The following DNAH5 variants were observed in gnomAD, a reference collection of about 807,000 sequenced individuals.
DNAH5 encodes axonemal beta dynein heavy chain 5.
Under a neutral mutation model 518.2 loss-of-function variants are expected in DNAH5, and 372 were observed. The observed-to-expected ratio is 0.72, with a 90% CI of 0.66 to 0.78. The LOEUF is 0.78. Ranked by LOEUF, DNAH5 falls within the 30% of genes least tolerant of loss-of-function variation. The pLI, the probability that DNAH5 is intolerant of heterozygous loss-of-function variation, is 0.00. For missense variants in DNAH5, 5,523 were observed against 5,687.0 expected, an observed-to-expected ratio of 0.97 and a Z score of 0.93; for synonymous variants, 2,039 against 2,025.9, an observed-to-expected ratio of 1.01 and a Z score of -0.17.
At chr5:13,835,533 G>T (rs946102968) in intron 35 of DNAH5, among the ~76,000 whole-genome samples, 1 of 152,122 alleles carries the variant, frequency 6.6e-6, no homozygotes, top group Non-Finnish European at 1.5e-5. Context: ...CATCATGGCT[G>T]CCTCCAGATA....
At chr5:13,943,655 T>A (rs1344015316) in intron 1 of DNAH5, among the ~76,000 whole-genome samples, 2 of 152,056 alleles carry the variant, frequency 1.3e-5, no homozygotes, top group Admixed American at 1.3e-4. Flanking sequence ...ACTTAAAAAA[T>A]TCAGAGGTAG....
chr5:13,764,417 T>A (rs969061269), intron 59 of DNAH5, among the ~76,000 whole-genome samples: 2 of 151,984 alleles, frequency 1.3e-5, no homozygotes, highest in African/African-American at 4.8e-5. Context: ...ATAAAAAAAA[T>A]TAACTGGACA....
chr5:13,705,890 G>C (rs984112900), intron 76 of DNAH5, among the ~76,000 whole-genome samples: 4 of 152,172 alleles, frequency 2.6e-5, no homozygotes, highest in African/African-American at 9.7e-5. Flanking sequence ...AGGAGCTCCT[G>C]GGGCCACCAG....
intron 47 of DNAH5, among the ~76,000 whole-genome samples, chr5:13,804,747 G>C (rs1373020834): frequency 6.6e-6 from 1 of 152,184 alleles, no homozygotes; most frequent in Non-Finnish European, 1.5e-5. Context: ...CAGATAATGG[G>C]AGCCTAAGGA....
At chr5:13,791,493 T>C (rs1323054353) in intron 50 of DNAH5, among the ~76,000 whole-genome samples, 2 of 152,172 alleles carry the variant, frequency 1.3e-5, no homozygotes, top group Non-Finnish European at 2.9e-5. Flanking sequence ...ACTTTACCAA[T>C]GTACGTAAAT....
In DNAH5 at chr5:13,886,026, G is replaced by C; in HGVS notation, c.2681C>G (p.Ser894Cys). Residue 894 changes from serine (S) to cysteine (C), a missense_variant, in exon 18 of 79, where the codon TCT becomes TGT. Physicochemically the swap from Ser to Cys is moderately radical, Grantham distance 112. Coordinates refer to ENST00000265104, the MANE Select transcript of DNAH5 (RefSeq NM_001369.3). ...GGATATTTTTTCACTTTCTTCTTCA[G>C]ATAAAACTTCCACATCCAGCAACAT... ...VNMLLDVEVL[S>C]EEESEKISNE... is the part of the protein sequence containing the mutation. 1 of 1,607,802 alleles carries C rather than the reference G, an allele frequency of 6.2e-7. No homozygotes were observed. Among genetic ancestry groups the C allele is most frequent in the Non-Finnish European group, 8.5e-7 (1 of 1,178,170 alleles).
rs748787177 is a variant in DNAH5, at chr5:13,735,153, T to C, written c.11739A>G (p.Glu3913=). ...IDIQRNRVKH[E]EFLTLIKGGA... is the part of the protein sequence containing the mutation. ...GACCTTTAATAAGAGTGAGAAACTC[T>C]TCATGCTTGACTCGGTTCCTCTGGA... The change falls in exon 68 of 79, where the codon GAA becomes GAG. Residue 3913 remains glutamate, a synonymous_variant. Transcript: ENST00000265104. 6 of 1,614,024 alleles carry C rather than the reference T, an allele frequency of 3.7e-6. No individual in the cohort carries two copies. The highest frequency in any genetic ancestry group is 2.2e-5 in the South Asian group (2 of 91,082).
At chr5:13,942,241 A>G (rs1047765515) in intron 1 of DNAH5, among the ~76,000 whole-genome samples, 1 of 150,240 alleles carries the variant, frequency 6.7e-6, no homozygotes, top group African/African-American at 2.5e-5. Context: ...CATGATATTT[A>G]TGGATAAAGT....
intron 64 of DNAH5, 26 bp from the exon 65 acceptor site, chr5:13,751,286 G>C: frequency 3.2e-6 from 5 of 1,569,648 alleles, no homozygotes; most frequent in Non-Finnish European, 4.3e-6. Flanking sequence ...AAATTTAAAA[G>C]TAATAAAATA....
chr5:13,894,541 C>T (rs1773665756), intron 16 of DNAH5, 109 bp downstream of exon 16: 2 of 1,201,112 alleles, frequency 1.7e-6, no homozygotes, highest in Non-Finnish European at 2.4e-6. Context: ...TTAAGAATAA[C>T]ACTCCCCATT....
rs115498110 is a variant in DNAH5, at chr5:13,818,798, A to C, written c.6842-1104T>G. 8.8e-3 allele frequency among the ~76,000 whole-genome samples: 1,348 copies of C among 152,358 alleles called. 20 individuals are homozygous for C. Among genetic ancestry groups the C allele is most frequent in the African/African-American group, 0.031 (1,285 of 41,570 alleles). Reference sequence around the variant, plus strand: ...ATATTAAAGACACTTGATGAGATATATGCTGAATCAGGGGACAAATAATAT... The same window carrying C: ...ATATTAAAGACACTTGATGAGATATCTGCTGAATCAGGGGACAAATAATAT... On this transcript the variant is annotated intron_variant, in intron 41 of 78. Transcript: ENST00000265104.
intron 42 of DNAH5, 101 bp from the exon 43 acceptor site, chr5:13,814,947 AT>A (rs1761261044): frequency 9.3e-7 from 1 of 1,072,514 alleles, no homozygotes; most frequent in African/African-American, 1.6e-5. Context: ...ATTAGATGTA[AT>A]TTTCATTAAT....
rs1668072651 is a variant in DNAH5, at chr5:13,690,714, G to A, written c.*1270C>T. Reference sequence around the variant, plus strand: ...ACTGACTATATTTTCTAGTCAGTAGGTTAGATGAAGAATTATTAATAACAT... The same window carrying A: ...ACTGACTATATTTTCTAGTCAGTAGATTAGATGAAGAATTATTAATAACAT... On this transcript the variant is annotated 3_prime_UTR_variant, in exon 79 of 79. Coordinates refer to ENST00000265104, the MANE Select transcript of DNAH5 (RefSeq NM_001369.3). 2 of 152,176 alleles carry A rather than the reference G, an allele frequency of 1.3e-5. No individual in the cohort carries two copies. Among genetic ancestry groups the A allele is most frequent in the Admixed American group, 1.3e-4 (2 of 15,280 alleles). 9.4% of individuals were successfully genotyped at this position (152,176 alleles called of 1,614,324 possible).
chr5:13,828,737 C>T (rs763865971), intron 38 of DNAH5, among the ~76,000 whole-genome samples: 1 of 152,152 alleles, frequency 6.6e-6, no homozygotes, highest in Non-Finnish European at 1.5e-5. Context: ...GAAATCGAAG[C>T]CCTCAGTCTT....
chr5:13,818,197 A>G (rs1761709011), intron 41 of DNAH5, among the ~76,000 whole-genome samples: 1 of 152,252 alleles, frequency 6.6e-6, no homozygotes, highest in Non-Finnish European at 1.5e-5. Flanking sequence ...CAAGAAATGT[A>G]TTCAAATCTT....
intron 32 of DNAH5, among the ~76,000 whole-genome samples, chr5:13,842,484 A>AAG (rs398072434): frequency 1.9e-5 from 1 of 51,564 alleles, no homozygotes; most frequent in African/African-American, 1.0e-4. Context: ...AGAAAGAAAG[A>AAG]GAAAGAAAAG....
chr5:13,906,869 A>C (rs79119822), intron 12 of DNAH5, among the ~76,000 whole-genome samples: 3,285 of 152,304 alleles, frequency 0.022, 124 homozygotes, highest in African/African-American at 0.075. Flanking sequence ...ACCTATTTTA[A>C]AGAGAAAAAG....
At chr5:13,859,318 T>C (rs923255543) in intron 30 of DNAH5, 134 bp downstream of exon 30, 10 of 934,092 alleles carry the variant, frequency 1.1e-5, no homozygotes, top group Middle Eastern at 4.7e-4. Context: ...AATAACAGCA[T>C]TAACAGTGAC....
chr5:13,849,383 G>A (rs1014622155), intron 31 of DNAH5, among the ~76,000 whole-genome samples: 1 of 152,206 alleles, frequency 6.6e-6, no homozygotes, highest in Non-Finnish European at 1.5e-5. Flanking sequence ...CCATTAGAGA[G>A]GCTCATGTTT....
Sources: allele counts gnomAD v4.1 joint callset (sites outside exome capture counted in the v4.1 genomes callset), GRCh38; gene constraint gnomAD v4.1.1; transcripts MANE v1.5; gene names NCBI Gene and HGNC (gene_info 2026-07-23, HGNC 2026-07-21).